The following SLITRK3 variants were observed in gnomAD, a reference collection of about 807,000 sequenced individuals.
The protein encoded by SLITRK3 is SLIT and NTRK like family member 3.
A neutral mutation model predicts 63.6 loss-of-function variants in SLITRK3; 16 were observed. The observed-to-expected ratio is 0.25, with a 90% CI of 0.17 to 0.38. The LOEUF (loss-of-function observed/expected upper bound fraction) is 0.38, where lower values mean the gene tolerates loss of function less well. Ranked by LOEUF, SLITRK3 falls within the 10% of genes least tolerant of loss-of-function variation. The probability of loss-of-function intolerance (pLI) is 1.00; values close to 1 mark genes in which losing one functional copy is unlikely to be tolerated. For synonymous variants in SLITRK3, 547 were observed against 451.6 expected, an observed-to-expected ratio of 1.21 and a Z score of -2.68; for missense variants, 1,117 against 1,181.4, an observed-to-expected ratio of 0.95 and a Z score of 0.80.
intron 1 of SLITRK3, among the ~76,000 whole-genome samples, chr3:165,192,864 T>C (rs1238250402): frequency 1.3e-5 from 2 of 151,814 alleles, no homozygotes; most frequent in African/African-American, 2.4e-5. Flanking sequence ...CGGTGGCTGC[T>C]CTCTTTGGGT....
Position 165,195,155 on chromosome 3 carries a change from G to C in SLITRK3, c.-22+425C>G, listed in dbSNP as rs138870347. Among the ~76,000 whole-genome samples, 55 of 152,290 alleles carry C rather than the reference G, an allele frequency of 3.6e-4. No individual in the cohort carries two copies. In the East Asian group the frequency reaches 0.01, roughly 28 times the overall value. On this transcript the variant is annotated intron_variant, in intron 1 of 1. Coordinates refer to ENST00000475390, the MANE Select transcript of SLITRK3 (RefSeq NM_001318810.2). The stretch of plus-strand genomic sequence containing the variant: ...TAAAACGCTGCATCATTCATTTTCT[G>C]AAGAGCTTTGAGCCGTCTATAGAGC...
In SLITRK3 at chr3:165,190,868, A is replaced by C; in HGVS notation, c.-21-17T>G. ...ATTACAAAACTGCAACAGAAATAAAAATGCAGATTTTTAGCTTTTAGTCAT... is the reference window on the plus strand; with the variant it reads ...ATTACAAAACTGCAACAGAAATAAACATGCAGATTTTTAGCTTTTAGTCAT... On this transcript the variant is annotated splice_polypyrimidine_tract_variant and intron_variant, in intron 1 of 1. Coordinates refer to ENST00000475390, the MANE Select transcript of SLITRK3 (RefSeq NM_001318810.2). 1 of 1,519,520 alleles carries C rather than the reference A, an allele frequency of 6.6e-7. No homozygotes were observed. The highest frequency in any genetic ancestry group is 8.8e-7 in the Non-Finnish European group (1 of 1,135,750). The allele number at this position is 1,519,520 out of a possible 1,614,324, so 94.1% of individuals were successfully genotyped here.
At position 165,189,433 on chromosome 3, in the gene SLITRK3, G is replaced by T; in HGVS notation, c.1398C>A (p.Asn466Lys). Residue 466 changes from asparagine to lysine, a missense_variant, in exon 2 of 2, where the codon AAC becomes AAA. By Grantham distance (94) the Asn-to-Lys change is moderately conservative. Coordinates refer to ENST00000475390, the MANE Select transcript of SLITRK3 (RefSeq NM_001318810.2). The surrounding 1 kb of genome is among the most constrained non-coding windows in gnomAD (Gnocchi z 4.0). ...PNLKSLFLNGNDIEKLTPGMF... is the reference protein window; with the variant it reads ...PNLKSLFLNGKDIEKLTPGMF... ...TGCCTGGTGTCAGCTTCTCTATATC[G>T]TTGCCATTAAGGAAGAGGCTCTTTA... is the stretch of plus-strand genomic sequence containing the variant. The T allele has an allele frequency of 6.2e-7, 1 of 1,613,124 alleles. No homozygotes were observed.
At position 165,188,992 on chromosome 3, in the gene SLITRK3, C is replaced by A; in HGVS notation, c.1839G>T (p.Glu613Asp). 1 of 1,614,200 alleles carries A rather than the reference C, an allele frequency of 6.2e-7. No homozygotes were observed. Among genetic ancestry groups the A allele is most frequent in the Admixed American group, 1.7e-5 (1 of 60,026 alleles). The change falls in exon 2 of 2, where the codon GAG becomes GAT. Residue 613 changes from glutamate (E) to aspartate (D), a missense_variant. Around this residue, in one of 4 missense-constraint regions of SLITRK3, gnomAD observed 499 missense variants for 463.6 expected, o/e 1.08. Transcript: ENST00000475390. The part of the protein sequence containing the change: ...RTIELEVLCP[E>D]MLHVAPAGES... Reference sequence around the variant, plus strand: ...CTCCAGCTGGTGCAACGTGCAGCATCTCTGGGCAAAGAACTTCCAGCTCAA... The same window carrying A: ...CTCCAGCTGGTGCAACGTGCAGCATATCTGGGCAAAGAACTTCCAGCTCAA...
At position 165,189,389 on chromosome 3, in the gene SLITRK3, C is replaced by T. The variant is rs1330867050; in HGVS notation, c.1442G>A (p.Ser481Asn). 1 of 1,613,770 alleles carries T rather than the reference C, an allele frequency of 6.2e-7. No individual in the cohort carries two copies. The highest frequency in any genetic ancestry group is 8.5e-7 in the Non-Finnish European group (1 of 1,180,036). ...GAACTCAAAGTACAAGTAGTGCAAA[C>T]TCTGTAGGCCTCGGAACATGCCTGG... is the stretch of plus-strand genomic sequence containing the variant. ...LTPGMFRGLQ[S>N]LHYLYFEFNV... The change falls in exon 2 of 2, where the codon AGT becomes AAT. Residue 481 changes from serine to asparagine, a missense_variant. By Grantham distance (46) the Ser-to-Asn change is conservative. Transcript: ENST00000475390. The surrounding 1 kb of genome is among the most constrained non-coding windows in gnomAD (Gnocchi z 4.0).
intron 1 of SLITRK3, among the ~76,000 whole-genome samples, chr3:165,193,477 G>A (rs1576972434): frequency 1.3e-5 from 2 of 151,352 alleles, no homozygotes; most frequent in East Asian, 3.9e-4. Flanking sequence ...GGAAATCCAG[G>A]TCCCCAAAGC....
At position 165,187,969 on chromosome 3, in the gene SLITRK3, G is replaced by A. The variant is rs1440111685; in HGVS notation, c.2862C>T (p.Leu954=). The A allele has an allele frequency of 1.2e-6, 2 of 1,613,758 alleles. No individual in the cohort carries two copies. Among genetic ancestry groups the A allele is most frequent in the African/African-American group, 1.3e-5 (1 of 74,802 alleles). Residue 954 remains leucine, a synonymous_variant, in exon 2 of 2, where the codon CTC becomes CTT. Coordinates refer to ENST00000475390, the MANE Select transcript of SLITRK3 (RefSeq NM_001318810.2). ...TGGTTTGAAGTTTGGCCCTTAACTC[G>A]AGGTAATCACTTTTTTGGGTTTGGT... ...TDHQTQKSDY[L]ELRAKLQTKP...
In SLITRK3 at chr3:165,189,831, T is replaced by C; in HGVS notation, c.1000A>G (p.Lys334Glu). 6.2e-7 allele frequency: 1 copy of C among 1,614,110 alleles called. No homozygotes were observed. The highest frequency in any genetic ancestry group is 8.5e-7 in the Non-Finnish European group (1 of 1,179,998). The change falls in exon 2 of 2, where the codon AAG (lysine) becomes GAG (glutamate). Residue 334 changes from lysine to glutamate, a missense_variant. Lys to Glu is a moderately conservative substitution (Grantham distance 56). Coordinates refer to ENST00000475390, the MANE Select transcript of SLITRK3 (RefSeq NM_001318810.2). This position sits in a 1 kb window ranked among gnomAD's most constrained non-coding sequence, Gnocchi z 4.0. Reference protein sequence around the residue: ...VEYKSSNKQPKPTKQPRTPRP... With the variant: ...VEYKSSNKQPEPTKQPRTPRP... ...GGTGTTCGAGGCTGTTTGGTGGGCTTAGGCTGTTTATTTGAGGACTTGTAT... is the reference window on the plus strand; with the variant it reads ...GGTGTTCGAGGCTGTTTGGTGGGCTCAGGCTGTTTATTTGAGGACTTGTAT...
chr3:165,192,212 C>A (rs543278984), intron 1 of SLITRK3, among the ~76,000 whole-genome samples: 15 of 115,472 alleles, frequency 1.3e-4, no homozygotes, highest in Admixed American at 1.1e-3. Flanking sequence ...AGAAATAAAT[C>A]TTCACATTAC....
upstream of SLITRK3, chr3:165,196,897 G>GTCTCTGTCTCTCTCTC (rs1553792802): frequency 3.1e-5 from 3 of 96,474 alleles, no homozygotes; most frequent in African/African-American, 7.3e-5. Flanking sequence ...CTCTCTCTCT[G>GTCTCTGTCTCTCTCTC]TCTCTCTCTC....
intron 1 of SLITRK3, among the ~76,000 whole-genome samples, chr3:165,193,022 G>A (rs1430141585): frequency 6.6e-6 from 1 of 152,030 alleles, no homozygotes; most frequent in South Asian, 2.1e-4. Flanking sequence ...AGCATTCCAC[G>A]TCATGAAAAT....
chr3:165,196,899 C>CTCTCTG (rs1718452126), upstream of SLITRK3: 2 of 119,424 alleles, frequency 1.7e-5, no homozygotes, highest in African/African-American at 4.9e-5. Context: ...CTCTCTCTGT[C>CTCTCTG]TCTCTCTCTC....
Position 165,189,952 on chromosome 3 carries a change from C to T in SLITRK3, c.879G>A (p.Leu293=). The T allele has an allele frequency of 6.2e-7, 1 of 1,614,124 alleles. No individual in the cohort carries two copies. Among genetic ancestry groups the T allele is most frequent in the Non-Finnish European group, 8.5e-7 (1 of 1,180,034 alleles). ...TACTTGATGACGAATGTGGAATTCCCAAACTAGCCTCTACCTCAGAGTCAG... is the reference window on the plus strand; with the variant it reads ...TACTTGATGACGAATGTGGAATTCCTAAACTAGCCTCTACCTCAGAGTCAG... ...LLSDSEVEAS[L]GIPHSSSSKE... The change falls in exon 2 of 2, where the codon TTG becomes TTA. Residue 293 remains leucine, a synonymous_variant. Transcript: ENST00000475390. This position sits in a 1 kb window ranked among gnomAD's most constrained non-coding sequence, Gnocchi z 4.0.
chr3:165,190,248 C>T lies in SLITRK3; in HGVS notation c.583G>A (p.Ala195Thr), dbSNP rs372187907. 3 of 1,613,990 alleles carry T rather than the reference C, an allele frequency of 1.9e-6. No homozygotes were observed. The highest frequency in any genetic ancestry group is 2.2e-5 in the East Asian group (1 of 44,870). Residue 195 changes from alanine to threonine, a missense_variant, in exon 2 of 2, where the codon GCT becomes ACT. This residue lies in a region of SLITRK3 where 452 missense variants were observed against 495.3 expected (regional missense o/e 0.91). Transcript: ENST00000475390. ...AGGTCCAAATGGGTTAAAGAGACAG[C>T]CTTAAATAAATTGGTTGGAAGCATG... ...IPMLPTNLFK[A>T]VSLTHLDLRG... is the part of the protein sequence containing the mutation.
rs777962376 is a variant in SLITRK3, at chr3:165,190,210, C to T, written c.621G>A (p.Arg207=). The change falls in exon 2 of 2, where the codon AGG becomes AGA. Residue 207 remains arginine (R), a synonymous_variant. Coordinates refer to ENST00000475390, the MANE Select transcript of SLITRK3 (RefSeq NM_001318810.2). ...SLTHLDLRGN[R]LKVLFYRGML... ...TTCCTCGGTAAAAAAGAACCTTTAACCTATTTCCACGTAGGTCCAAATGGG... is the reference window on the plus strand; with the variant it reads ...TTCCTCGGTAAAAAAGAACCTTTAATCTATTTCCACGTAGGTCCAAATGGG... 1 of 1,614,182 alleles carries T rather than the reference C, an allele frequency of 6.2e-7. No homozygotes were observed. The highest frequency in any genetic ancestry group is 1.1e-5 in the South Asian group (1 of 91,084).
chr3:165,187,669 T>G lies in SLITRK3; in HGVS notation c.*228A>C, dbSNP rs1718003208. The G allele has an allele frequency of 2.4e-6, 1 of 410,842 alleles. No homozygotes were observed. The highest frequency in any genetic ancestry group is 4.3e-6 in the Non-Finnish European group (1 of 231,574). 25.4% of individuals were successfully genotyped at this position (410,842 alleles called of 1,614,324 possible). Reference sequence around the variant, plus strand: ...TGCTGGCAAAAGTCTGCGAAGGCACTTTCATTGATTAATGATCTGAGTATG... The same window carrying G: ...TGCTGGCAAAAGTCTGCGAAGGCACGTTCATTGATTAATGATCTGAGTATG... On this transcript the variant is annotated 3_prime_UTR_variant, in exon 2 of 2. Coordinates refer to ENST00000475390, the MANE Select transcript of SLITRK3 (RefSeq NM_001318810.2).
rs545082944 is a variant in SLITRK3 at position 165,192,657 on chromosome 3, A to G, written c.-21-1806T>C. ...TTTGCTTTGCTGAAGCTGAAGCAAA[A>G]GGGGATAAAGGGGGTTGGGCGGGGG... is the stretch of plus-strand genomic sequence containing the variant. On this transcript the variant is annotated intron_variant, in intron 1 of 1. Coordinates refer to ENST00000475390, the MANE Select transcript of SLITRK3 (RefSeq NM_001318810.2). Among the ~76,000 whole-genome samples, 881 of 151,034 alleles carry G rather than the reference A, an allele frequency of 5.8e-3. 8 individuals carry two copies. The highest frequency in any genetic ancestry group is 0.02 in the Middle Eastern group (6 of 294).
chr3:165,191,544 CT>C (rs913073935), intron 1 of SLITRK3, among the ~76,000 whole-genome samples: 8 of 152,120 alleles, frequency 5.3e-5, no homozygotes, highest in African/African-American at 1.7e-4. Flanking sequence ...TTATTGTCAT[CT>C]TCTTTAATTT....
intron 1 of SLITRK3, among the ~76,000 whole-genome samples, chr3:165,194,839 A>G (rs1718363133): frequency 6.6e-6 from 1 of 152,170 alleles, no homozygotes; most frequent in East Asian, 1.9e-4. Flanking sequence ...CCTAAAGGCT[A>G]TCTCACCTTT....
Sources: allele counts gnomAD v4.1 joint callset (sites outside exome capture counted in the v4.1 genomes callset), GRCh38; gene constraint gnomAD v4.1.1; regional missense constraint gnomAD v4.1.1; non-coding constraint Gnocchi (gnomAD v3.1); transcripts MANE v1.5; gene names NCBI Gene and HGNC (gene_info 2026-07-23, HGNC 2026-07-21).